NAALADL2: variants seen among roughly 807,000 people sequenced by gnomAD.
The protein encoded by NAALADL2 is inactive N-acetylated-alpha-linked acidic dipeptidase-like protein 2.
In NAALADL2, 76 loss-of-function variants were observed where a neutral mutation model predicts 87.2. The ratio of observed to expected loss-of-function variants is 0.87; its 90% CI spans 0.72 to 1.05. The LOEUF (loss-of-function observed/expected upper bound fraction) is 1.05, where lower values mean the gene tolerates loss of function less well. Among genes scored for constraint, NAALADL2 ranks in the 50% least tolerant of loss-of-function variants. The pLI is 0.00. For missense variants in NAALADL2, 1,089 were observed against 945.8 expected, an observed-to-expected ratio of 1.15 and a Z score of -1.99; for synonymous variants, 354 against 331.0, an observed-to-expected ratio of 1.07 and a Z score of -0.75.
chr3:174,966,101 C>T (rs908183815), intron 1 of NAALADL2, among the ~76,000 whole-genome samples: 3 of 152,008 alleles, frequency 2.0e-5, no homozygotes, highest in African/African-American at 7.2e-5. Context: ...TACCATGTAC[C>T]TGAATTATTA....
intron 2 of NAALADL2, among the ~76,000 whole-genome samples, chr3:175,200,378 A>G (rs1395589948): frequency 1.3e-5 from 2 of 151,884 alleles, no homozygotes; most frequent in African/African-American, 4.8e-5. Context: ...TTTTTTCTTT[A>G]AGCAATCCTG....
chr3:175,766,675 T>C (rs1051755164), intron 13 of NAALADL2, among the ~76,000 whole-genome samples: 7 of 152,208 alleles, frequency 4.6e-5, no homozygotes, highest in African/African-American at 1.7e-4. Context: ...TGTATAAATA[T>C]CTTTCTGATT....
intron 5 of NAALADL2, among the ~76,000 whole-genome samples, chr3:175,365,569 A>G (rs1460393507): frequency 1.4e-5 from 2 of 147,256 alleles, no homozygotes; most frequent in Admixed American, 7.0e-5. Flanking sequence ...GATTTTGTGG[A>G]TTTTTCTGAT....
At chr3:175,554,444 C>T (rs1017454061) in intron 9 of NAALADL2, among the ~76,000 whole-genome samples, 11 of 151,774 alleles carry the variant, frequency 7.2e-5, no homozygotes, top group Non-Finnish European at 2.9e-5. Flanking sequence ...GTAATTTAAG[C>T]GTTTATGTTT....
chr3:174,788,068 C>A (rs1717022895), intron 3 of NAALADL2, among the ~76,000 whole-genome samples: 1 of 152,012 alleles, frequency 6.6e-6, no homozygotes, highest in African/African-American at 2.4e-5. Flanking sequence ...CCTTGATGTT[C>A]TCTAGAGAAG....
chr3:174,997,330 A>G (rs540900417), intron 1 of NAALADL2, among the ~76,000 whole-genome samples: 1 of 152,136 alleles, frequency 6.6e-6, no homozygotes, highest in South Asian at 2.1e-4. Context: ...ATCCACACCA[A>G]CATCTATTGT....
At chr3:174,800,298 G>C (rs1371532640) in intron 3 of NAALADL2, among the ~76,000 whole-genome samples, 3 of 152,102 alleles carry the variant, frequency 2.0e-5, no homozygotes. Flanking sequence ...CAGAGTTTCT[G>C]TGCTGTATGC....
chr3:175,758,191 G>A (rs1159753054), intron 13 of NAALADL2, among the ~76,000 whole-genome samples: 1 of 151,960 alleles, frequency 6.6e-6, no homozygotes, highest in East Asian at 1.9e-4. Flanking sequence ...TGCTAGTAAT[G>A]TAATTACAGT....
intron 9 of NAALADL2, chr3:175,487,549 T>C (rs1727468092): frequency 2.2e-6 from 1 of 456,666 alleles, no homozygotes; most frequent in Non-Finnish European, 4.4e-6. Flanking sequence ...CCAGGTTTGA[T>C]GATTAGTCCT....
At chr3:174,983,209 T>A (rs1745365093) in intron 1 of NAALADL2, among the ~76,000 whole-genome samples, 1 of 152,194 alleles carries the variant, frequency 6.6e-6, no homozygotes, top group South Asian at 2.1e-4. Context: ...GGGGACAGTA[T>A]GACCCAGAGA....
chr3:175,516,913 G>A (rs1306628538), intron 9 of NAALADL2, among the ~76,000 whole-genome samples: 1 of 152,038 alleles, frequency 6.6e-6, no homozygotes, highest in Non-Finnish European at 1.5e-5. Context: ...TGCCATACCA[G>A]CCTTGCCCAC....
chr3:175,087,468 A>G (rs537503056), intron 1 of NAALADL2, among the ~76,000 whole-genome samples: 1 of 152,218 alleles, frequency 6.6e-6, no homozygotes, highest in South Asian at 2.1e-4. Context: ...GAATAGAAAA[A>G]GGGGGAAATG....
At chr3:175,085,435 A>G (rs1243807456) in intron 1 of NAALADL2, among the ~76,000 whole-genome samples, 1 of 152,000 alleles carries the variant, frequency 6.6e-6, no homozygotes, top group Non-Finnish European at 1.5e-5. Context: ...TGTTTTCTTC[A>G]TCTTTAAAGG....
intron 11 of NAALADL2, among the ~76,000 whole-genome samples, chr3:175,703,495 C>A (rs1389704200): frequency 1.3e-5 from 2 of 152,192 alleles, no homozygotes; most frequent in Non-Finnish European, 2.9e-5. Context: ...GTAATCCCAG[C>A]ACTTTGGGAG....
intron 2 of NAALADL2, among the ~76,000 whole-genome samples, chr3:174,609,228 G>A (rs963877527): frequency 1.3e-5 from 2 of 152,104 alleles, no homozygotes; most frequent in African/African-American, 4.8e-5. Context: ...GCAAAAACTG[G>A]AAGCATTCCC....
At chr3:175,786,194 T>A (rs1440488973) in intron 13 of NAALADL2, among the ~76,000 whole-genome samples, 2 of 151,960 alleles carry the variant, frequency 1.3e-5, no homozygotes, top group East Asian at 1.9e-4. Context: ...GTTGCTCTTC[T>A]CGAGGAGTAT....
chr3:175,109,456 T>C (rs1298787905), intron 2 of NAALADL2, among the ~76,000 whole-genome samples: 1 of 151,640 alleles, frequency 6.6e-6, no homozygotes, highest in Admixed American at 6.6e-5. Context: ...TATGTTCCCA[T>C]TGGCCACACC....
intron 3 of NAALADL2, among the ~76,000 whole-genome samples, chr3:174,837,619 C>A (rs971349523): frequency 6.6e-6 from 1 of 152,064 alleles, no homozygotes. Context: ...CATGGTGAAA[C>A]CCCATCTCTA....
intron 3 of NAALADL2, among the ~76,000 whole-genome samples, chr3:175,251,624 G>A (rs867040014): frequency 5.3e-5 from 8 of 152,102 alleles, no homozygotes; most frequent in African/African-American, 9.7e-5. Flanking sequence ...GAATAAATGC[G>A]GAAAGAAGAG....
Sources: gnomAD v4.1 joint callset for allele counts (sites outside exome capture counted in the v4.1 genomes callset) on GRCh38, gnomAD v4.1.1 for gene constraint, MANE v1.5 for transcripts, NCBI Gene and HGNC (gene_info 2026-07-23, HGNC 2026-07-21) for gene names.